Variants in COLEC10 observed in about 807,000 individuals in gnomAD.
The protein encoded by COLEC10 is collectin-10.
COLEC10 carries 22 observed loss-of-function variants against 28.4 expected under a neutral mutation model. That is an observed-to-expected ratio of 0.78 (90% CI 0.55 to 1.11). The LOEUF (loss-of-function observed/expected upper bound fraction) is 1.11, where lower values mean the gene tolerates loss of function less well. COLEC10 is among the 50% of genes least tolerant of loss of function. The pLI is 0.00. For synonymous variants in COLEC10, 125 were observed against 116.1 expected (o/e 1.08, Z -0.49); for missense variants, 361 against 344.1 (o/e 1.05, Z -0.39).
upstream of COLEC10, among the ~76,000 whole-genome samples, chr8:118,994,965 TAATTC>T (rs1237798555): frequency 1.3e-5 from 2 of 152,264 alleles, no homozygotes; most frequent in African/African-American, 2.4e-5. Context: ...AAGGATGTGT[TAATTC>T]AATTCAATGT....
At chr8:119,032,347 T>C (rs769622551) in intron 2 of COLEC10, among the ~76,000 whole-genome samples, 4 of 152,152 alleles carry the variant, frequency 2.6e-5, no homozygotes, top group Non-Finnish European at 5.9e-5. Flanking sequence ...TTCATTCTGG[T>C]AGTGATTCTG....
At chr8:119,022,974 T>C (rs751337052) in intron 2 of COLEC10, among the ~76,000 whole-genome samples, 2 of 152,140 alleles carry the variant, frequency 1.3e-5, no homozygotes, top group Non-Finnish European at 2.9e-5. Flanking sequence ...AAACACCTCC[T>C]GTTGGAGAGT....
the COLEC10 span, among the ~76,000 whole-genome samples, chr8:118,989,568 C>CACAT: frequency 4.3e-5 from 6 of 140,784 alleles, no homozygotes; most frequent in East Asian, 2.6e-4. Flanking sequence ...CACACACACA[C>CACAT]ACACACACAC....
At chr8:118,977,209 A>G in the COLEC10 span, among the ~76,000 whole-genome samples, 1 of 144,242 alleles carries the variant, frequency 6.9e-6, no homozygotes, top group Admixed American at 6.9e-5. Flanking sequence ...TCAGGGATCT[A>G]GAACTAGAAA....
rs769900711 is a variant in COLEC10, at chr8:119,105,844, G to T, written c.487G>T (p.Val163Leu). The change falls in exon 6 of 6, where the codon GTG (valine) becomes TTG (leucine). Residue 163 changes from valine to leucine, a missense_variant. By Grantham distance (32) the Val-to-Leu change is conservative. Around this residue, in one of 3 missense-constraint regions of COLEC10, gnomAD observed 335 missense variants for 308.5 expected, o/e 1.09. Coordinates refer to ENST00000332843, the MANE Select transcript of COLEC10 (RefSeq NM_006438.5). The part of the protein sequence containing the change: ...RETEEKFYYI[V>L]QEEKNYRESL... ...AACTGAAGAGAAATTCTACTACATCGTGCAGGAAGAGAAGAACTACAGGGA... is the reference window on the plus strand; with the variant it reads ...AACTGAAGAGAAATTCTACTACATCTTGCAGGAAGAGAAGAACTACAGGGA... 1 of 1,613,524 alleles carries T rather than the reference G, an allele frequency of 6.2e-7. No individual in the cohort carries two copies. Among genetic ancestry groups the T allele is most frequent in the Non-Finnish European group, 8.5e-7 (1 of 1,179,750 alleles).
intron 2 of COLEC10, among the ~76,000 whole-genome samples, chr8:119,033,491 T>C (rs1814329762): frequency 6.6e-6 from 1 of 152,162 alleles, no homozygotes; most frequent in South Asian, 2.1e-4. Flanking sequence ...TTTTGCAATC[T>C]ATCCATCTGA....
intron 1 of COLEC10, among the ~76,000 whole-genome samples, chr8:118,997,222 T>C (rs1813604416): frequency 6.6e-6 from 1 of 152,220 alleles, no homozygotes; most frequent in African/African-American, 2.4e-5. Context: ...TTACCAAATA[T>C]ATGGTTTACA....
At chr8:119,039,304 G>A (rs144657601) in intron 2 of COLEC10, among the ~76,000 whole-genome samples, 121 of 152,160 alleles carry the variant, frequency 8.0e-4, no homozygotes, top group African/African-American at 2.6e-3. Flanking sequence ...TCCAGAAACC[G>A]TTCCCAGTCC....
chr8:119,102,362 A>G lies in COLEC10; in HGVS notation c.307A>G (p.Lys103Glu). The part of the protein sequence containing the change: ...PIGKKGDKGE[K>E]GLLGIPGEKG... ...TTTTTTTTCAGGTGACAAAGGGGAA[A>G]AAGGTTTGCTTGGAATACCTGGAGA... Residue 103 changes from lysine to glutamate, a missense_variant, in exon 4 of 6, where the codon AAA becomes GAA. This residue lies in a region of COLEC10 where 335 missense variants were observed against 308.5 expected (regional missense o/e 1.09). Transcript: ENST00000332843. 2 of 1,608,114 alleles carry G rather than the reference A, an allele frequency of 1.2e-6. No individual in the cohort carries two copies. The highest frequency in any genetic ancestry group is 1.1e-5 in the South Asian group (1 of 89,882).
chr8:119,098,072 T>C (rs910302546), intron 3 of COLEC10, among the ~76,000 whole-genome samples: 1 of 151,978 alleles, frequency 6.6e-6, no homozygotes, highest in Non-Finnish European at 1.5e-5. Context: ...ACTCCCCAGA[T>C]TAAAGTTATT....
chr8:119,009,124 A>G (rs115646185), intron 1 of COLEC10, among the ~76,000 whole-genome samples: 2 of 151,026 alleles, frequency 1.3e-5, no homozygotes, highest in East Asian at 3.9e-4. Flanking sequence ...ATAAAACCCA[A>G]CACAGGTGAG....
At chr8:119,102,056 A>G (rs1247662765) in intron 3 of COLEC10, among the ~76,000 whole-genome samples, 1 of 152,348 alleles carries the variant, frequency 6.6e-6, no homozygotes, top group East Asian at 1.9e-4. Flanking sequence ...TCTATATTCA[A>G]TCTAAATAAA....
At chr8:118,953,750 T>G in the COLEC10 span, among the ~76,000 whole-genome samples, 1 of 152,288 alleles carries the variant, frequency 6.6e-6, no homozygotes, top group South Asian at 2.1e-4. Context: ...AAATATTTCC[T>G]ATAGTTATGA....
At chr8:119,071,127 G>T (rs947174730) in intron 1 of COLEC10, among the ~76,000 whole-genome samples, 1 of 152,138 alleles carries the variant, frequency 6.6e-6, no homozygotes, top group Non-Finnish European at 1.5e-5. Context: ...AATGTACAGG[G>T]CAAAGTCAAA....
At chr8:119,006,512 A>G (rs1813800707) in intron 1 of COLEC10, among the ~76,000 whole-genome samples, 1 of 152,110 alleles carries the variant, frequency 6.6e-6, no homozygotes, top group Admixed American at 6.6e-5. Context: ...TATTTTAAAT[A>G]CCATTACCAA....
chr8:119,004,632 T>TCCAGATATCCAA (rs2130070218), intron 1 of COLEC10, among the ~76,000 whole-genome samples: 1 of 151,510 alleles, frequency 6.6e-6, no homozygotes, highest in East Asian at 2.0e-4. Context: ...TATATATATC[T>TCCAGATATCCAA]CCAGATATCC....
At chr8:118,956,211 C>T in the COLEC10 span, among the ~76,000 whole-genome samples, 1 of 152,140 alleles carries the variant, frequency 6.6e-6, no homozygotes, top group South Asian at 2.1e-4. Context: ...TAATCACCAT[C>T]CAAAGGCCCC....
At chr8:118,960,332 C>G in the COLEC10 span, among the ~76,000 whole-genome samples, 1 of 152,206 alleles carries the variant, frequency 6.6e-6, no homozygotes, top group African/African-American at 2.4e-5. Flanking sequence ...GCAGTAGAGG[C>G]TAAAAAGATT....
intron 1 of COLEC10, chr8:119,068,257 T>A (rs936555890): frequency 6.6e-6 from 1 of 152,154 alleles, no homozygotes; most frequent in Non-Finnish European, 1.5e-5. Flanking sequence ...AAAACAAAAT[T>A]CAGAAATACA....
Sources: allele counts gnomAD v4.1 joint callset (sites outside exome capture counted in the v4.1 genomes callset), GRCh38; gene constraint gnomAD v4.1.1; regional missense constraint gnomAD v4.1.1; transcripts MANE v1.5; gene names NCBI Gene and HGNC (gene_info 2026-07-23, HGNC 2026-07-21).